CCDC117: variants seen among roughly 807,000 people sequenced by gnomAD.
CCDC117 encodes the protein coiled-coil domain-containing protein 117.
CCDC117 carries 1 observed loss-of-function variant against 23.5 expected under a neutral mutation model. The ratio of observed to expected loss-of-function variants is 0.04; its 90% CI spans 0.02 to 0.20. CCDC117 has a LOEUF of 0.20. Among genes scored for constraint, CCDC117 ranks in the 10% least tolerant of loss-of-function variants. CCDC117 has a pLI of 1.00. For synonymous variants in CCDC117, 132 were observed against 124.8 expected, an observed-to-expected ratio of 1.06 and a Z score of -0.39; for missense variants, 383 against 348.2, an observed-to-expected ratio of 1.10 and a Z score of -0.80.
chr22:28,773,870 T>G (rs890938586), intron 2 of CCDC117, 92 bp downstream of exon 2: 33 of 951,084 alleles, frequency 3.5e-5, no homozygotes, highest in South Asian at 6.7e-5. Context: ...GGTGAAACAT[T>G]AGATGAGTGT....
chr22:28,773,845 T>A (rs1250301305), intron 2 of CCDC117, 67 bp downstream of exon 2: 7 of 1,163,034 alleles, frequency 6.0e-6, no homozygotes, highest in African/African-American at 1.5e-5. Context: ...ATAGTCTAAA[T>A]TACTTAAGTG....
chr22:28,785,430 T>G (rs1569200573), intron 4 of CCDC117, among the ~76,000 whole-genome samples: 1 of 151,680 alleles, frequency 6.6e-6, no homozygotes, highest in Non-Finnish European at 1.5e-5. Context: ...TCAAACCATC[T>G]GCCTGGCTTG....
At chr22:28,776,316 A>C (rs1238273969) in intron 2 of CCDC117, among the ~76,000 whole-genome samples, 1 of 152,176 alleles carries the variant, frequency 6.6e-6, no homozygotes, top group Admixed American at 6.5e-5. Flanking sequence ...CTGAGGCACG[A>C]GGAGAAGGCA....
chr22:28,787,441 C>T lies in CCDC117; in HGVS notation c.*1115C>T, dbSNP rs528511156. 2.0e-5 allele frequency: 3 copies of T among 152,194 alleles called. No homozygotes were observed. The highest frequency in any genetic ancestry group is 7.2e-5 in the African/African-American group (3 of 41,542). 9.4% of individuals were successfully genotyped at this position (152,194 alleles called of 1,614,324 possible). The stretch of plus-strand genomic sequence containing the variant: ...GGCGTGAGCCACGGCACGCAGCCAG[C>T]AAGTTGTTTTTAAATGTTAATATAG... On this transcript the variant is annotated 3_prime_UTR_variant, in exon 5 of 5. Coordinates refer to ENST00000249064, the MANE Select transcript of CCDC117 (RefSeq NM_173510.4).
chr22:28,782,250 CTTTTTT>C (rs34670753), intron 3 of CCDC117, among the ~76,000 whole-genome samples: 2 of 80,316 alleles, frequency 2.5e-5, no homozygotes, highest in African/African-American at 6.1e-5. Context: ...TCTACTGAGC[CTTTTTT>C]TTTTTTTTTT....
intron 3 of CCDC117, 58 bp downstream of exon 3, chr22:28,781,230 A>T (rs1276030414): frequency 1.0e-6 from 1 of 965,516 alleles, no homozygotes; most frequent in African/African-American, 1.6e-5. Flanking sequence ...AACTCTGCTC[A>T]TATAAGCTAG....
chr22:28,776,906 G>A (rs539474654), intron 2 of CCDC117, among the ~76,000 whole-genome samples: 27 of 151,796 alleles, frequency 1.8e-4, no homozygotes, highest in Admixed American at 3.3e-4. Flanking sequence ...TTTTAGTAGA[G>A]AAATGGTTGT....
intron 2 of CCDC117, among the ~76,000 whole-genome samples, chr22:28,777,155 C>T (rs746847545): frequency 2.6e-5 from 4 of 151,532 alleles, no homozygotes; most frequent in South Asian, 2.1e-4. Flanking sequence ...TCTCCTGCCT[C>T]AGCCTCCCAT....
In CCDC117 at chr22:28,772,815, G is replaced by A. The variant is rs959401370; in HGVS notation, c.-35G>A. The A allele has an allele frequency of 2.2e-5, 27 of 1,219,904 alleles. No homozygotes were observed. In the African/African-American group the frequency reaches 3.0e-4, roughly 13 times the overall value. 75.6% of individuals were successfully genotyped at this position (1,219,904 alleles called of 1,614,324 possible). A position where few individuals can be genotyped will look rare whatever the true frequency, so the allele number is the denominator to read the frequency against. Reference sequence around the variant, plus strand: ...GCCGGGCCTGGGGACGCGGGCGGCCGAGGCCGCCGTCGCAGCCTCCTCGTC... The same window carrying A: ...GCCGGGCCTGGGGACGCGGGCGGCCAAGGCCGCCGTCGCAGCCTCCTCGTC... On this transcript the variant is annotated 5_prime_UTR_variant, in exon 1 of 5. Coordinates refer to ENST00000249064, the MANE Select transcript of CCDC117 (RefSeq NM_173510.4).
intron 3 of CCDC117, 111 bp from the exon 4 acceptor site, chr22:28,783,397 A>ATTACTTACTGCTTTTATCCTTT: frequency 9.7e-7 from 1 of 1,033,046 alleles, no homozygotes. Flanking sequence ...CTATTGCTGT[A>ATTACTTACTGCTTTTATCCTTT]TTACTTACTG....
intron 3 of CCDC117, among the ~76,000 whole-genome samples, chr22:28,783,288 G>T (rs752560382): frequency 3.3e-5 from 5 of 151,092 alleles, no homozygotes; most frequent in African/African-American, 1.2e-4. Context: ...TGATCTGCCC[G>T]CCTCGGCCTC....
At chr22:28,783,083 C>G (rs1176046337) in intron 3 of CCDC117, among the ~76,000 whole-genome samples, 1 of 151,996 alleles carries the variant, frequency 6.6e-6, no homozygotes, top group Non-Finnish European at 1.5e-5. Context: ...GCTCTGTTGC[C>G]CACGCTGGTG....
chr22:28,786,063 A>C, intron 4 of CCDC117, 26 bp from the exon 5 acceptor site: 1 of 1,547,788 alleles, frequency 6.5e-7, no homozygotes. Flanking sequence ...AAATTTTTTG[A>C]TAAAAGTCTG....
intron 3 of CCDC117, among the ~76,000 whole-genome samples, chr22:28,782,479 C>G (rs924542699): frequency 3.3e-5 from 5 of 151,932 alleles, no homozygotes; most frequent in African/African-American, 1.2e-4. Context: ...CGCTCTGTTG[C>G]TCAGGCTGGA....
rs2031571346 is a variant in CCDC117 at position 28,788,107 on chromosome 22, T to G, written c.*1781T>G. 1 of 152,666 alleles carries G rather than the reference T, an allele frequency of 6.6e-6. No individual in the cohort carries two copies. The highest frequency in any genetic ancestry group is 2.4e-5 in the African/African-American group (1 of 41,462). 9.5% of individuals were successfully genotyped at this position (152,666 alleles called of 1,614,324 possible). ...AATATTTAATGTCTATACAGTAAAA[T>G]TATTCAAACTTCAAACCAGTATTGA... On this transcript the variant is annotated 3_prime_UTR_variant, in exon 5 of 5. Transcript: ENST00000249064.
At position 28,773,001 on chromosome 22, in the gene CCDC117, C is replaced by G; in HGVS notation, c.152C>G (p.Pro51Arg). 1 of 1,192,776 alleles carries G rather than the reference C, an allele frequency of 8.4e-7. No individual in the cohort carries two copies. Among genetic ancestry groups the G allele is most frequent in the Non-Finnish European group, 1.0e-6 (1 of 962,642 alleles). 73.9% of individuals were successfully genotyped at this position (1,192,776 alleles called of 1,614,324 possible). ...CCGCGGCCGGGACCTCGCGCAGTCC[C>G]TAGCAGTCCCGCTGGGAGTGCGGCG... is the stretch of plus-strand genomic sequence containing the variant. ...LAPRPGPRAV[P>R]SSPAGSAARG... The change falls in exon 1 of 5, where the codon CCT becomes CGT. Residue 51 changes from proline to arginine, a missense_variant. Physicochemically the swap from Pro to Arg is moderately radical, Grantham distance 103. Transcript: ENST00000249064.
intron 2 of CCDC117, 135 bp downstream of exon 2, chr22:28,773,913 G>C (rs1370575432): frequency 9.6e-6 from 7 of 725,438 alleles, no homozygotes; most frequent in African/African-American, 3.5e-5. Flanking sequence ...TAGTGACATT[G>C]GTTGTCTTTT....
At chr22:28,777,948 T>C (rs1417212479) in intron 2 of CCDC117, among the ~76,000 whole-genome samples, 9 of 152,042 alleles carry the variant, frequency 5.9e-5, no homozygotes, top group Non-Finnish European at 2.9e-5. Context: ...CTTCCTGGGT[T>C]CAAGCAATTC....
chr22:28,775,889 T>C (rs1330508131), intron 2 of CCDC117, among the ~76,000 whole-genome samples: 1 of 152,068 alleles, frequency 6.6e-6, no homozygotes, highest in Non-Finnish European at 1.5e-5. Flanking sequence ...AAAGTGAGAC[T>C]GTCCCAAAAA....
Sources: allele counts gnomAD v4.1 joint callset (sites outside exome capture counted in the v4.1 genomes callset), GRCh38; gene constraint gnomAD v4.1.1; transcripts MANE v1.5; gene names NCBI Gene and HGNC (gene_info 2026-07-23, HGNC 2026-07-21).